Variants in ADPGK observed in about 807,000 individuals in gnomAD.
ADPGK encodes the protein ADP dependent glucokinase.
A neutral mutation model predicts 42.4 loss-of-function variants in ADPGK; 26 were observed. The ratio of observed to expected loss-of-function variants is 0.61; its 90% CI spans 0.45 to 0.85. The LOEUF (loss-of-function observed/expected upper bound fraction) is 0.85. Among genes scored for constraint, ADPGK ranks in the 40% least tolerant of loss-of-function variants. The pLI is 0.00. For synonymous variants in ADPGK, 267 were observed against 252.6 expected, an observed-to-expected ratio of 1.06 and a Z score of -0.54; for missense variants, 571 against 627.0, an observed-to-expected ratio of 0.91 and a Z score of 0.95.
At chr15:72,765,492 GGCTATA>G (rs2066247175) in intron 3 of ADPGK, among the ~76,000 whole-genome samples, 1 of 152,198 alleles carries the variant, frequency 6.6e-6, no homozygotes, top group African/African-American at 2.4e-5. Context: ...CATTTCATAA[GGCTATA>G]GCTGCCATAG....
intron 3 of ADPGK, among the ~76,000 whole-genome samples, chr15:72,763,633 G>A (rs936062351): frequency 6.6e-6 from 1 of 152,210 alleles, no homozygotes; most frequent in African/African-American, 2.4e-5. Flanking sequence ...TTTGTAACAT[G>A]AGGAAGTCAA....
intron 1 of ADPGK, among the ~76,000 whole-genome samples, chr15:72,778,073 AC>A (rs2066411438): frequency 6.6e-6 from 1 of 151,794 alleles, no homozygotes; most frequent in South Asian, 2.1e-4. Context: ...ATATAGCAAG[AC>A]CCCGTCTCTA....
At chr15:72,763,686 C>T (rs1283595824) in intron 3 of ADPGK, among the ~76,000 whole-genome samples, 1 of 152,122 alleles carries the variant, frequency 6.6e-6, no homozygotes, top group Admixed American at 6.5e-5. Context: ...GAGAGAAGTA[C>T]AGGCCTACCT....
At chr15:72,756,567 G>A (rs2066117664) in intron 4 of ADPGK, 120 bp from the exon 5 acceptor site, 5 of 1,074,902 alleles carry the variant, frequency 4.7e-6, no homozygotes, top group Non-Finnish European at 6.6e-6. Flanking sequence ...GTTTCTGGCT[G>A]AGGAGACCCC....
In ADPGK at chr15:72,752,345, TAGTG is replaced by T. The variant is rs2066055596; in HGVS notation, c.1486_1489del (p.His496IlefsTer33). The T allele has an allele frequency of 6.2e-7, 1 of 1,610,266 alleles. No homozygotes were observed. The highest frequency in any genetic ancestry group is 8.5e-7 in the Non-Finnish European group (1 of 1,177,390). ...AAATTACCCCTAAGAATCTTCCTAA[TAGTG>T]AGGGTGTACTTCCGAATAGAAGAGT... On this transcript the variant is annotated frameshift_variant, in exon 7 of 7. Transcript: ENST00000456471. LOFTEE classifies it high-confidence loss of function.
Position 72,771,823 on chromosome 15 carries a change from G to T in ADPGK, c.482C>A (p.Ala161Asp), listed in dbSNP as rs1211047502. ...GGCTGCAAATTTCTGTCCAATTAAA[G>T]CTGCATTTCCTCCTACATAGTGCTG... ...GAQHYVGGNA[A>D]LIGQKFAANS... is the part of the protein sequence containing the mutation. The change falls in exon 3 of 7, where the codon GCT (alanine) becomes GAT (aspartate). Residue 161 changes from alanine to aspartate, a missense_variant. Physicochemically the swap from Ala to Asp is moderately radical, Grantham distance 126. This residue lies in a region of ADPGK where 434 missense variants were observed against 522.7 expected (regional missense o/e 0.83). Coordinates refer to ENST00000456471, the MANE Select transcript of ADPGK (RefSeq NM_001365225.1). 1 of 1,613,058 alleles carries T rather than the reference G, an allele frequency of 6.2e-7. No individual in the cohort carries two copies. Among genetic ancestry groups the T allele is most frequent in the East Asian group, 2.2e-5 (1 of 44,802 alleles).
intron 3 of ADPGK, 97 bp downstream of exon 3, chr15:72,771,672 ACATAGTAGGTGATC>A (rs2066329909): frequency 2.1e-6 from 2 of 941,410 alleles, no homozygotes; most frequent in East Asian, 2.6e-5. Context: ...AGGGTCTGGT[ACATAGTAGGTGATC>A]CATAAGTTGA....
chr15:72,779,728 C>T (rs940435112), intron 1 of ADPGK, among the ~76,000 whole-genome samples: 3 of 152,036 alleles, frequency 2.0e-5, no homozygotes, highest in Non-Finnish European at 4.4e-5. Context: ...CCATTTTTAC[C>T]TTCTCCTCTT....
chr15:72,781,136 C>T (rs1207401117), intron 1 of ADPGK, among the ~76,000 whole-genome samples: 1 of 152,188 alleles, frequency 6.6e-6, no homozygotes, highest in East Asian at 1.9e-4. Flanking sequence ...CCTCATCCCT[C>T]CTATATCCCC....
intron 3 of ADPGK, among the ~76,000 whole-genome samples, chr15:72,769,842 G>C (rs1485065929): frequency 6.6e-6 from 1 of 152,062 alleles, no homozygotes; most frequent in Non-Finnish European, 1.5e-5. Flanking sequence ...ACTTCTCCAT[G>C]CCTCATTTTT....
Position 72,751,974 on chromosome 15 carries a change from C to A in ADPGK, c.*367G>T. The A allele has an allele frequency of 4.8e-6, 1 of 206,456 alleles. No individual in the cohort carries two copies. The highest frequency in any genetic ancestry group is 1.2e-4 in the East Asian group (1 of 8,652). 12.8% of individuals were successfully genotyped at this position (206,456 alleles called of 1,614,324 possible). A position where few individuals can be genotyped will look rare whatever the true frequency, so the allele number is the denominator to read the frequency against. On this transcript the variant is annotated 3_prime_UTR_variant, in exon 7 of 7. Transcript: ENST00000456471. ...CCTCACATGAGGCTTTCCTAGAGAC[C>A]AGGATGTTGGGTGAGTGGGCGTGCA...
At chr15:72,768,213 A>G (rs920202748) in intron 3 of ADPGK, among the ~76,000 whole-genome samples, 7 of 147,170 alleles carry the variant, frequency 4.8e-5, no homozygotes, top group African/African-American at 1.7e-4. Context: ...AGCTCATTTA[A>G]AAAAAAAAAA....
intron 3 of ADPGK, among the ~76,000 whole-genome samples, chr15:72,764,612 T>C (rs1047946423): frequency 6.6e-6 from 1 of 152,230 alleles, no homozygotes; most frequent in African/African-American, 2.4e-5. Flanking sequence ...CCAAAAGATC[T>C]AGCTAAGATC....
chr15:72,777,442 G>C (rs148507341), intron 1 of ADPGK, among the ~76,000 whole-genome samples: 2,804 of 152,296 alleles, frequency 0.018, 34 homozygotes, highest in Non-Finnish European at 0.027. Context: ...CACTTTGGGA[G>C]ACCGAGGCAG....
At chr15:72,775,155 A>C (rs1451044657) in intron 1 of ADPGK, 58 bp from the exon 2 acceptor site, 4 of 1,436,892 alleles carry the variant, frequency 2.8e-6, no homozygotes, top group Non-Finnish European at 3.9e-6. Flanking sequence ...GCCATTTTGC[A>C]TTTAACAAAA....
intron 6 of ADPGK, among the ~76,000 whole-genome samples, chr15:72,754,568 A>C (rs1257799105): frequency 1.3e-5 from 2 of 152,230 alleles, no homozygotes; most frequent in Non-Finnish European, 2.9e-5. Flanking sequence ...ACTTGTTCAC[A>C]GGCAAAACAA....
At chr15:72,776,138 T>A (rs1399018173) in intron 1 of ADPGK, among the ~76,000 whole-genome samples, 1 of 152,238 alleles carries the variant, frequency 6.6e-6, no homozygotes, top group Non-Finnish European at 1.5e-5. Flanking sequence ...GCATTCTGGA[T>A]GCTCAACTTG....
intron 4 of ADPGK, chr15:72,758,566 C>A (rs1199177029): frequency 1.4e-5 from 3 of 214,784 alleles, no homozygotes; most frequent in Non-Finnish European, 2.8e-5. Flanking sequence ...AGGAAAATGT[C>A]ACCTCACAAA....
At chr15:72,767,229 A>C (rs2066271755) in intron 3 of ADPGK, among the ~76,000 whole-genome samples, 1 of 152,184 alleles carries the variant, frequency 6.6e-6, no homozygotes, top group Non-Finnish European at 1.5e-5. Context: ...TAATTCATTA[A>C]AGGGATGTAA....
Sources: allele counts gnomAD v4.1 joint callset (sites outside exome capture counted in the v4.1 genomes callset), GRCh38; gene constraint gnomAD v4.1.1; regional missense constraint gnomAD v4.1.1; transcripts MANE v1.5; gene names NCBI Gene and HGNC (gene_info 2026-07-23, HGNC 2026-07-21).